Variants in LMO7 observed in about 807,000 individuals in gnomAD.
LMO7 encodes the protein LIM domain 7.
LMO7 carries 120 observed loss-of-function variants against 206.5 expected under a neutral mutation model. That is an observed-to-expected ratio of 0.58 (90% CI 0.50 to 0.68). The LOEUF is 0.68. Ranked by LOEUF, LMO7 falls within the 30% of genes least tolerant of loss-of-function variation. LMO7 has a pLI of 0.00. For synonymous variants in LMO7, 706 were observed against 681.5 expected (o/e 1.04, Z -0.56); for missense variants, 1,959 against 1,957.9 (o/e 1.00, Z -0.01).
chr13:75,627,487 AT>A lies in LMO7; in HGVS notation c.225+4172del, dbSNP rs2034352665. 5.9e-5 allele frequency: 9 copies of A among 152,274 alleles called. No individual in the cohort carries two copies. In the South Asian group the frequency reaches 1.7e-3, roughly 28 times the overall value. 9.4% of individuals were successfully genotyped at this position (152,274 alleles called of 1,614,324 possible). A position where few individuals can be genotyped will look rare whatever the true frequency, so the allele number is the denominator to read the frequency against. On this transcript the variant is annotated intron_variant, in intron 2 of 29. Coordinates refer to the LMO7 transcript ENST00000341547. Reference sequence around the variant, plus strand: ...AATATAGTGCATACTGTGCTTAAATATTTTTCCCTGCCTTTTTAGCAAAACA... The same window carrying A: ...AATATAGTGCATACTGTGCTTAAATATTTTCCCTGCCTTTTTAGCAAAACA...
intron 4 of LMO7, among the ~76,000 whole-genome samples, chr13:75,782,120 T>G (rs1355159610): frequency 6.6e-6 from 1 of 152,354 alleles, no homozygotes; most frequent in East Asian, 1.9e-4. Flanking sequence ...GTACAGAAGC[T>G]CTTTAGTTTA....
intron 3 of LMO7, among the ~76,000 whole-genome samples, chr13:75,734,916 G>A (rs551048707): frequency 2.9e-4 from 44 of 152,164 alleles, no homozygotes; most frequent in South Asian, 2.3e-3. Flanking sequence ...TGGCTAACAC[G>A]GTGAAACCCT....
At chr13:75,822,124 G>A (rs2057644137) in intron 14 of LMO7, among the ~76,000 whole-genome samples, 1 of 152,098 alleles carries the variant, frequency 6.6e-6, no homozygotes, top group Non-Finnish European at 1.5e-5. Flanking sequence ...GATTTTGAAG[G>A]GGTTAGAATA....
At chr13:75,819,251 A>G in intron 12 of LMO7, 142 bp from the exon 13 acceptor site, 1 of 989,828 alleles carries the variant, frequency 1.0e-6, no homozygotes, top group East Asian at 2.7e-5. Context: ...CGCTGGCTAT[A>G]AAAAGCAAAA....
intron 24 of LMO7, among the ~76,000 whole-genome samples, chr13:75,842,408 C>G (rs551976536): frequency 2.4e-4 from 37 of 152,234 alleles, no homozygotes; most frequent in Middle Eastern, 3.4e-3. Flanking sequence ...CTAGTTTCTG[C>G]TCAAACATCA....
chr13:75,735,289 A>G (rs1010397388), intron 3 of LMO7, among the ~76,000 whole-genome samples: 2 of 151,946 alleles, frequency 1.3e-5, no homozygotes, highest in Non-Finnish European at 2.9e-5. Flanking sequence ...GGAGGTTTGT[A>G]GGACCCTGGA....
rs570259752 is a variant in LMO7 at position 75,819,557 on chromosome 13, C to T, written c.2207+22C>T. On this transcript the variant is annotated intron_variant, in intron 13 of 30. Transcript: ENST00000377534. ...ACAGGTAATAATGCTGAATGCACCT[C>T]GGTTGTAACAGGGTTGGAGATGCCA... 29 of 1,549,806 alleles carry T rather than the reference C, an allele frequency of 1.9e-5. No homozygotes were observed. The African/African-American group carries it at 1.9e-4, about 10-fold the overall frequency.
intron 16 of LMO7, among the ~76,000 whole-genome samples, chr13:75,833,928 T>A (rs2058904878): frequency 2.0e-5 from 3 of 152,184 alleles, no homozygotes; most frequent in Admixed American, 2.0e-4. Context: ...ATATTTCAAA[T>A]TTAAGAGTAA....
intron 1 of LMO7, among the ~76,000 whole-genome samples, chr13:75,711,640 C>T (rs944630893): frequency 3.3e-5 from 5 of 152,212 alleles, no homozygotes; most frequent in African/African-American, 7.2e-5. Flanking sequence ...CACCCACTCC[C>T]CAGTGAGAGG....
chr13:75,649,023 G>A (rs2037309973), intron 1 of LMO7, among the ~76,000 whole-genome samples: 1 of 152,184 alleles, frequency 6.6e-6, no homozygotes, highest in African/African-American at 2.4e-5. Flanking sequence ...TGCGTGGGAG[G>A]TAACATGGAA....
At chr13:75,744,512 T>C (rs2046674193) in intron 3 of LMO7, among the ~76,000 whole-genome samples, 1 of 152,248 alleles carries the variant, frequency 6.6e-6, no homozygotes. Context: ...AGTAGGATTA[T>C]ATCATACATG....
intron 2 of LMO7, among the ~76,000 whole-genome samples, chr13:75,715,361 T>G (rs1025780398): frequency 5.3e-5 from 8 of 152,244 alleles, no homozygotes; most frequent in Non-Finnish European, 8.8e-5. Context: ...AGCAAACATT[T>G]GGATGAATGT....
chr13:75,789,647 C>T (rs1371833972), intron 4 of LMO7, among the ~76,000 whole-genome samples: 1 of 152,088 alleles, frequency 6.6e-6, no homozygotes, highest in Non-Finnish European at 1.5e-5. Context: ...GGCTCCAGCT[C>T]CCTGCTGTCT....
chr13:75,633,841 CTTTTTTTTTTTTTTT>C (rs60769000), upstream of LMO7, among the ~76,000 whole-genome samples: 7 of 64,672 alleles, frequency 1.1e-4, no homozygotes, highest in African/African-American at 4.8e-4. Context: ...GTGTCTTTTC[CTTTTTTTTTTTTTTT>C]TTTTTTTTTT....
chr13:75,818,174 A>G (rs1235269272), intron 12 of LMO7, among the ~76,000 whole-genome samples: 1 of 152,206 alleles, frequency 6.6e-6, no homozygotes, highest in Non-Finnish European at 1.5e-5. Context: ...GCCAAAATAC[A>G]TGGTTAATTT....
At chr13:75,633,133 G>T (rs986082746), upstream of LMO7, among the ~76,000 whole-genome samples, 5 of 151,998 alleles carry the variant, frequency 3.3e-5, no homozygotes, top group African/African-American at 9.7e-5. Flanking sequence ...AAAGCGCTGG[G>T]ATTACAGGTG....
chr13:75,740,524 G>T (rs1464366554), intron 3 of LMO7, among the ~76,000 whole-genome samples: 1 of 152,208 alleles, frequency 6.6e-6, no homozygotes, highest in Non-Finnish European at 1.5e-5. Flanking sequence ...AGATGGGAAG[G>T]TGGTATTGTA....
At chr13:75,781,096 CTTTT>C (rs367937964) in intron 4 of LMO7, among the ~76,000 whole-genome samples, 3 of 41,916 alleles carry the variant, frequency 7.2e-5, no homozygotes, top group African/African-American at 2.3e-4. Context: ...CTCTATTTTC[CTTTT>C]TTTTTTTTTT....
chr13:75,831,249 C>T (rs1054053319), intron 15 of LMO7, among the ~76,000 whole-genome samples: 3 of 152,182 alleles, frequency 2.0e-5, no homozygotes, highest in African/African-American at 7.2e-5. Flanking sequence ...CCCATACCCA[C>T]TGAGATATAA....
Sources: gnomAD v4.1 joint callset for allele counts (sites outside exome capture counted in the v4.1 genomes callset) on GRCh38, gnomAD v4.1.1 for gene constraint, MANE v1.5 for transcripts, NCBI Gene and HGNC (gene_info 2026-07-23, HGNC 2026-07-21) for gene names.